ERBB4: variants seen among roughly 807,000 people sequenced by gnomAD.
ERBB4 encodes the protein receptor tyrosine-protein kinase erbB-4.
Under a neutral mutation model 158.0 loss-of-function variants are expected in ERBB4, and 42 were observed. The ratio of observed to expected loss-of-function variants is 0.27; its 90% CI spans 0.21 to 0.34. The LOEUF (loss-of-function observed/expected upper bound fraction) is 0.34, where lower values mean the gene tolerates loss of function less well. Ranked by LOEUF, ERBB4 falls within the 10% of genes least tolerant of loss-of-function variation. The pLI, the probability that ERBB4 is intolerant of heterozygous loss-of-function variation, is 1.00. For missense variants in ERBB4, 1,333 were observed against 1,624.1 expected, an observed-to-expected ratio of 0.82 and a Z score of 3.08; for synonymous variants, 583 against 558.7, an observed-to-expected ratio of 1.04 and a Z score of -0.61.
At chr2:211,656,801 G>A (rs979532401) in intron 16 of ERBB4, among the ~76,000 whole-genome samples, 1 of 152,144 alleles carries the variant, frequency 6.6e-6, no homozygotes, top group Non-Finnish European at 1.5e-5. Flanking sequence ...GGGTGTATCA[G>A]CAGTTTGTTC....
In ERBB4 at chr2:212,242,711, A is replaced by T. The variant is rs370068641; in HGVS notation, c.83-117808T>A. 9.8e-5 allele frequency among the ~76,000 whole-genome samples: 15 copies of T among 152,318 alleles called. No individual in the cohort carries two copies. In the South Asian group the frequency reaches 2.9e-3, roughly 29 times the overall value. On this transcript the variant is annotated intron_variant, in intron 1 of 27. Transcript: ENST00000342788. ...ACACTGAATTCTCAAATTTGTATTAAAGGTGGCACAGCAGGTTGTAAATTT... is the reference window on the plus strand; with the variant it reads ...ACACTGAATTCTCAAATTTGTATTATAGGTGGCACAGCAGGTTGTAAATTT...
intron 1 of ERBB4, among the ~76,000 whole-genome samples, chr2:212,150,070 GTATT>G (rs1457770035): frequency 6.6e-6 from 1 of 152,006 alleles, no homozygotes; most frequent in African/African-American, 2.4e-5. Context: ...GCAAAACCGG[GTATT>G]CATTTCCTAA....
chr2:212,002,195 T>C (rs1284600834), intron 2 of ERBB4, among the ~76,000 whole-genome samples: 3 of 152,142 alleles, frequency 2.0e-5, no homozygotes, highest in Admixed American at 6.5e-5. Flanking sequence ...AGACTGATAT[T>C]GGCAAAGCAA....
intron 1 of ERBB4, among the ~76,000 whole-genome samples, chr2:212,199,234 T>A (rs1301289886): frequency 6.6e-6 from 1 of 152,158 alleles, no homozygotes; most frequent in East Asian, 1.9e-4. Flanking sequence ...TCACTACTGA[T>A]CACAGATACG....
At chr2:212,367,273 T>C (rs886826335) in intron 1 of ERBB4, among the ~76,000 whole-genome samples, 1 of 151,998 alleles carries the variant, frequency 6.6e-6, no homozygotes, top group Non-Finnish European at 1.5e-5. Flanking sequence ...ATCCGTGGTG[T>C]TTTAATGTGG....
intron 1 of ERBB4, among the ~76,000 whole-genome samples, chr2:212,138,102 G>A (rs2125598338): frequency 6.6e-6 from 1 of 152,272 alleles, no homozygotes; most frequent in South Asian, 2.1e-4. Flanking sequence ...TACAAATTTA[G>A]TTAAGCTGCT....
At chr2:211,560,259 T>TA (rs2067349241) in intron 20 of ERBB4, among the ~76,000 whole-genome samples, 1 of 142,958 alleles carries the variant, frequency 7.0e-6, no homozygotes, top group Non-Finnish European at 1.5e-5. Flanking sequence ...ATTTGAAGCT[T>TA]AGCTTTTTTT....
At chr2:211,748,057 A>G (rs2075026602) in intron 5 of ERBB4, among the ~76,000 whole-genome samples, 1 of 151,612 alleles carries the variant, frequency 6.6e-6, no homozygotes, top group Non-Finnish European at 1.5e-5. Flanking sequence ...AGTTTTTTAT[A>G]TGTATTATTT....
chr2:211,537,890 A>G (rs1406548110), intron 20 of ERBB4, among the ~76,000 whole-genome samples: 1 of 151,924 alleles, frequency 6.6e-6, no homozygotes, highest in African/African-American at 2.4e-5. Flanking sequence ...TTCTCCAATC[A>G]TTTTCAAAAA....
chr2:211,424,371 G>C (rs1484272694), intron 22 of ERBB4, 70 bp from the exon 23 acceptor site: 2 of 1,087,604 alleles, frequency 1.8e-6, no homozygotes, highest in Non-Finnish European at 2.8e-6. Flanking sequence ...CACTATACCA[G>C]TAGTAAAAGA....
intron 19 of ERBB4, among the ~76,000 whole-genome samples, chr2:211,578,525 G>C (rs553789471): frequency 6.6e-6 from 1 of 152,240 alleles, no homozygotes; most frequent in South Asian, 2.1e-4. Context: ...AAAAAAGCTT[G>C]AAGCATCATG....
At chr2:212,458,334 TCTGAAAGATATATAGAAATC>T in intron 1 of ERBB4, among the ~76,000 whole-genome samples, 1 of 152,134 alleles carries the variant, frequency 6.6e-6, no homozygotes, top group Middle Eastern at 3.4e-3. Flanking sequence ...TTAGTTAGGC[TCTGAAAGATATATAGAAATC>T]TGTAAGGGAC....
intron 1 of ERBB4, among the ~76,000 whole-genome samples, chr2:212,281,688 A>G (rs926670294): frequency 6.6e-6 from 1 of 151,836 alleles, no homozygotes; most frequent in African/African-American, 2.4e-5. Flanking sequence ...TGAAGTCTCT[A>G]TGGCACATTA....
chr2:211,641,239 A>T (rs2070574296), intron 16 of ERBB4, among the ~76,000 whole-genome samples: 1 of 152,098 alleles, frequency 6.6e-6, no homozygotes, highest in African/African-American at 2.4e-5. Flanking sequence ...AAATGTGGCT[A>T]AAGGGGCTTT....
At chr2:212,473,357 T>C (rs1211175218) in intron 1 of ERBB4, among the ~76,000 whole-genome samples, 1 of 152,066 alleles carries the variant, frequency 6.6e-6, no homozygotes, top group Non-Finnish European at 1.5e-5. Flanking sequence ...GTTTCCACAC[T>C]TGCCATTTTC....
chr2:212,371,170 G>T (rs112834590), intron 1 of ERBB4, among the ~76,000 whole-genome samples: 180 of 152,022 alleles, frequency 1.2e-3, no homozygotes, highest in Non-Finnish European at 2.3e-3. Context: ...CAGCCTATGG[G>T]TTTCATTGGG....
At chr2:212,314,648 CTAAT>C (rs1165905159) in intron 1 of ERBB4, among the ~76,000 whole-genome samples, 11 of 150,690 alleles carry the variant, frequency 7.3e-5, no homozygotes, top group Admixed American at 2.7e-4. Flanking sequence ...GAATTAAAAA[CTAAT>C]TAGCACGTGA....
chr2:212,003,002 T>G (rs2076141623), intron 2 of ERBB4, among the ~76,000 whole-genome samples: 1 of 149,406 alleles, frequency 6.7e-6, no homozygotes. Context: ...GAGAGTGGAC[T>G]GAGATTGTGC....
intron 3 of ERBB4, among the ~76,000 whole-genome samples, chr2:211,838,909 T>C (rs1204772819): frequency 6.6e-6 from 1 of 152,080 alleles, no homozygotes; most frequent in Non-Finnish European, 1.5e-5. Context: ...GGAAAAGCTA[T>C]TTTCTAAGCA....
Sources: allele counts gnomAD v4.1 joint callset (sites outside exome capture counted in the v4.1 genomes callset), GRCh38; gene constraint gnomAD v4.1.1; transcripts MANE v1.5; gene names NCBI Gene and HGNC (gene_info 2026-07-23, HGNC 2026-07-21).